Variants in BABAM2 observed in about 807,000 individuals in gnomAD.
BABAM2 encodes BRISC and BRCA1 A complex member 2.
A neutral mutation model predicts 54.7 loss-of-function variants in BABAM2; 31 were observed. The ratio of observed to expected loss-of-function variants is 0.57; its 90% CI spans 0.43 to 0.77. The LOEUF (loss-of-function observed/expected upper bound fraction) is 0.77, where lower values mean the gene tolerates loss of function less well. Among genes scored for constraint, BABAM2 ranks in the 30% least tolerant of loss-of-function variants. The pLI is 0.00. For missense variants in BABAM2, 364 were observed against 455.8 expected (o/e 0.80, Z 1.83); for synonymous variants, 167 against 162.9 (o/e 1.03, Z -0.19).
intron 6 of BABAM2, among the ~76,000 whole-genome samples, chr2:28,082,913 A>G (rs1029937556): frequency 1.3e-5 from 2 of 152,114 alleles, no homozygotes; most frequent in Non-Finnish European, 2.9e-5. Context: ...GTCCACATGC[A>G]CCACTCTTTT....
chr2:28,284,008 T>G (rs552715446), intron 10 of BABAM2, among the ~76,000 whole-genome samples: 1 of 152,328 alleles, frequency 6.6e-6, no homozygotes, highest in East Asian at 1.9e-4. Flanking sequence ...TACCTTTGAT[T>G]GAAAAGTATC....
rs918983018 is a variant in BABAM2, at chr2:27,995,181, A to G, written c.300+7094A>G. Among the ~76,000 whole-genome samples, 1 of 152,200 alleles carries G rather than the reference A, an allele frequency of 6.6e-6. No homozygotes were observed. The highest frequency in any genetic ancestry group is 2.4e-5 in the African/African-American group (1 of 41,450). ...GGGTGCTGTGGGCCAGAATTGGTGC[A>G]GGTGGCCTACTGGGTGCTGGTAAGC... is the stretch of plus-strand genomic sequence containing the variant. On this transcript the variant is annotated intron_variant, in intron 4 of 11. Transcript: ENST00000379624. The surrounding 1 kb of genome is among the most constrained non-coding windows in gnomAD (Gnocchi z 4.1).
At position 28,088,842 on chromosome 2, in the gene BABAM2, C is replaced by T. The variant is rs920406013; in HGVS notation, c.571-40429C>T. Among the ~76,000 whole-genome samples the T allele has an allele frequency of 3.9e-5, 6 of 152,076 alleles. No homozygotes were observed. In the South Asian group the frequency reaches 6.2e-4, roughly 16 times the overall value. On this transcript the variant is annotated intron_variant, in intron 6 of 11. Coordinates refer to ENST00000379624, the MANE Select transcript of BABAM2 (RefSeq NM_199191.3). ...GCAATCTCTATACCCACTGTCATCT[C>T]GATACATATCTTGTGGGGATTCTGT...
At chr2:28,331,481 AC>A (rs1690955982) in intron 11 of BABAM2, among the ~76,000 whole-genome samples, 2 of 152,340 alleles carry the variant, frequency 1.3e-5, no homozygotes, top group South Asian at 4.1e-4. Flanking sequence ...TAGGAAAAAA[AC>A]AACTCCATTA....
chr2:27,907,971 A>G (rs1038992505), intron 2 of BABAM2, among the ~76,000 whole-genome samples: 1 of 152,206 alleles, frequency 6.6e-6, no homozygotes, highest in African/African-American at 2.4e-5. Context: ...GAATAATGCT[A>G]TTAATATGGG....
At chr2:27,928,111 A>G (rs1364010218) in intron 2 of BABAM2, among the ~76,000 whole-genome samples, 1 of 152,090 alleles carries the variant, frequency 6.6e-6, no homozygotes, top group African/African-American at 2.4e-5. Flanking sequence ...TCCCGTGTTC[A>G]AGCAATTCGC....
At chr2:28,018,291 A>G (rs1674990371) in intron 4 of BABAM2, among the ~76,000 whole-genome samples, 1 of 152,228 alleles carries the variant, frequency 6.6e-6, no homozygotes, top group African/African-American at 2.4e-5. Context: ...TACTTCACTT[A>G]GAATAATAGT....
intron 6 of BABAM2, among the ~76,000 whole-genome samples, chr2:28,058,598 C>G (rs1407772040): frequency 6.7e-6 from 1 of 150,302 alleles, no homozygotes; most frequent in Non-Finnish European, 1.5e-5. Context: ...TTTTATATAC[C>G]AGCTGGGGTG....
At chr2:28,230,753 A>C (rs1681312780) in intron 7 of BABAM2, among the ~76,000 whole-genome samples, 1 of 151,838 alleles carries the variant, frequency 6.6e-6, no homozygotes, top group South Asian at 2.1e-4. Flanking sequence ...TAAGAAAACA[A>C]AACTGGAGCC....
Position 28,237,644 on chromosome 2 carries a change from T to C in BABAM2, c.780+343T>C, listed in dbSNP as rs73922257. ...AAACTTTAAAACTTTGGAACCCCAT[T>C]GCTTCCCAATTATCCAGTGCATGCA... On this transcript the variant is annotated intron_variant, in intron 8 of 11. Transcript: ENST00000379624. Among the ~76,000 whole-genome samples, 925 of 152,328 alleles carry C rather than the reference T, an allele frequency of 6.1e-3. 12 individuals are homozygous for C. Among genetic ancestry groups the C allele is most frequent in the African/African-American group, 0.021 (883 of 41,584 alleles).
At chr2:28,221,167 G>C (rs1337714443) in intron 7 of BABAM2, among the ~76,000 whole-genome samples, 1 of 148,764 alleles carries the variant, frequency 6.7e-6, no homozygotes, top group Non-Finnish European at 1.5e-5. Context: ...GGGACACCAG[G>C]CAGTCCCTTT....
chr2:28,043,519 C>T (rs1677300526), intron 5 of BABAM2, among the ~76,000 whole-genome samples: 1 of 152,146 alleles, frequency 6.6e-6, no homozygotes, highest in Non-Finnish European at 1.5e-5. Flanking sequence ...TTCTACACTC[C>T]CAGATTCTCA....
chr2:28,285,749 TA>T, intron 10 of BABAM2, among the ~76,000 whole-genome samples: 1 of 151,710 alleles, frequency 6.6e-6, no homozygotes, highest in East Asian at 1.9e-4. Context: ...TTTTTTTTTT[TA>T]ATGGAAACGG....
chr2:27,987,370 G>T (rs946055134), intron 3 of BABAM2, among the ~76,000 whole-genome samples: 5 of 152,172 alleles, frequency 3.3e-5, no homozygotes, highest in Non-Finnish European at 7.4e-5. Context: ...TAATTAATTA[G>T]CAGGCAGTGA....
At chr2:28,296,710 C>T (rs1234247875) in intron 10 of BABAM2, among the ~76,000 whole-genome samples, 3 of 152,060 alleles carry the variant, frequency 2.0e-5, no homozygotes, top group East Asian at 1.9e-4. Flanking sequence ...ATTTTTAAGA[C>T]GGAGTCTCAC....
At chr2:28,078,101 C>T (rs1198190373) in intron 6 of BABAM2, among the ~76,000 whole-genome samples, 1 of 152,104 alleles carries the variant, frequency 6.6e-6, no homozygotes, top group Non-Finnish European at 1.5e-5. Context: ...AATCTCATGA[C>T]ATCCGGCTCT....
chr2:28,042,297 A>G (rs1034034548), intron 5 of BABAM2, among the ~76,000 whole-genome samples: 1 of 152,244 alleles, frequency 6.6e-6, no homozygotes, highest in Non-Finnish European at 1.5e-5. Context: ...GGGAGTCATC[A>G]GCATATACAT....
intron 7 of BABAM2, among the ~76,000 whole-genome samples, chr2:28,145,587 AT>A (rs749785745): frequency 3.7e-4 from 57 of 152,146 alleles, no homozygotes; most frequent in Non-Finnish European, 8.1e-4. Context: ...TTGAGCTATA[AT>A]TCCTGTACAG....
chr2:28,244,048 T>C (rs934040120), intron 9 of BABAM2, among the ~76,000 whole-genome samples: 4 of 152,124 alleles, frequency 2.6e-5, no homozygotes, highest in Admixed American at 6.5e-5. Context: ...AATGGATGAG[T>C]TGAGGCTACA....
Sources: allele counts gnomAD v4.1 joint callset (sites outside exome capture counted in the v4.1 genomes callset), GRCh38; gene constraint gnomAD v4.1.1; non-coding constraint Gnocchi (gnomAD v3.1); transcripts MANE v1.5; gene names NCBI Gene and HGNC (gene_info 2026-07-23, HGNC 2026-07-21).